The following CEP350 variants were observed in gnomAD, a reference collection of about 807,000 sequenced individuals.
The protein encoded by CEP350 is centrosome-associated protein 350.
CEP350 carries 126 observed loss-of-function variants against 331.8 expected under a neutral mutation model. The ratio of observed to expected loss-of-function variants is 0.38; its 90% confidence interval spans 0.33 to 0.44. The LOEUF is 0.44. CEP350 is among the 20% of genes least tolerant of loss of function. CEP350 has a pLI of 1.00. For synonymous variants in CEP350, 1,200 were observed against 1,259.5 expected (o/e 0.95, Z 1.00); for missense variants, 3,406 against 3,634.6 (o/e 0.94, Z 1.62).
At chr1:180,098,062 C>T (rs1486989192) in intron 36 of CEP350, among the ~76,000 whole-genome samples, 2 of 152,174 alleles carry the variant, frequency 1.3e-5, no homozygotes, top group Non-Finnish European at 1.5e-5. Flanking sequence ...CCTCCGCCTC[C>T]TGGATTCAAG....
intron 1 of CEP350, among the ~76,000 whole-genome samples, chr1:179,962,870 A>C (rs1403892490): frequency 1.3e-5 from 2 of 152,176 alleles, no homozygotes; most frequent in African/African-American, 2.4e-5. Flanking sequence ...TGATAGTTCT[A>C]AGTTCTTTGA....
At chr1:180,002,154 T>A (rs921456752) in intron 6 of CEP350, among the ~76,000 whole-genome samples, 2 of 152,160 alleles carry the variant, frequency 1.3e-5, no homozygotes, top group Non-Finnish European at 2.9e-5. Context: ...CTGGTGAGAA[T>A]GCAAAATGGT....
chr1:180,037,242 G>A, intron 17 of CEP350, 153 bp downstream of exon 17: 2 of 505,380 alleles, frequency 4.0e-6, no homozygotes, highest in Non-Finnish European at 6.4e-6. Flanking sequence ...AAATCTGTCG[G>A]GACACTAAAA....
rs912562801 is a variant in CEP350, at chr1:180,100,236, A to G, written c.9189+1251A>G. ...GGACTAATGTTATTCTTTGTTTTAC[A>G]AATGAGGAAATTTAGATTCAAAGAT... On this transcript the variant is annotated intron_variant, in intron 37 of 37. Coordinates refer to ENST00000367607, the MANE Select transcript of CEP350 (RefSeq NM_014810.5). Among the ~76,000 whole-genome samples the G allele has an allele frequency of 2.0e-5, 3 of 152,236 alleles. No homozygotes were observed. In the East Asian group the frequency reaches 5.8e-4, roughly 29 times the overall value.
At chr1:179,981,236 A>G (rs1040389456) in intron 1 of CEP350, among the ~76,000 whole-genome samples, 3 of 152,196 alleles carry the variant, frequency 2.0e-5, no homozygotes, top group Admixed American at 6.5e-5. Flanking sequence ...TGGCAAATTA[A>G]ATAGACAAAA....
chr1:180,048,413 A>G, intron 21 of CEP350, 123 bp from the exon 22 acceptor site: 1 of 637,936 alleles, frequency 1.6e-6, no homozygotes, highest in Non-Finnish European at 2.7e-6. Context: ...GTTTTATATT[A>G]CATCTTTCTT....
chr1:180,050,175 T>C (rs1413618812), intron 22 of CEP350, among the ~76,000 whole-genome samples: 1 of 152,194 alleles, frequency 6.6e-6, no homozygotes, highest in African/African-American at 2.4e-5. Context: ...GATGACTTCT[T>C]AGGTACGTAA....
intron 37 of CEP350, among the ~76,000 whole-genome samples, chr1:180,104,015 A>G (rs1361322367): frequency 1.4e-5 from 2 of 147,082 alleles, no homozygotes; most frequent in African/African-American, 2.5e-5. Context: ...ATATATACAA[A>G]TATATATTTT....
At chr1:180,104,070 CAAAT>C (rs979316975) in intron 37 of CEP350, among the ~76,000 whole-genome samples, 21 of 144,146 alleles carry the variant, frequency 1.5e-4, no homozygotes, top group African/African-American at 3.6e-4. Context: ...TAAATATACA[CAAAT>C]ATATATATTT....
At chr1:180,046,522 A>G (rs1657130583) in intron 21 of CEP350, among the ~76,000 whole-genome samples, 1 of 152,224 alleles carries the variant, frequency 6.6e-6, no homozygotes, top group African/African-American at 2.4e-5. Context: ...TTTAACTATT[A>G]TAAGTAATGC....
At chr1:180,074,022 T>G in intron 27 of CEP350, 1 of 890,048 alleles carries the variant, frequency 1.1e-6, no homozygotes, top group Non-Finnish European at 1.5e-6. Context: ...TGGAGGCCTC[T>G]TATCAAATGT....
intron 8 of CEP350, among the ~76,000 whole-genome samples, chr1:180,008,567 A>G (rs1453552659): frequency 1.3e-5 from 2 of 152,194 alleles, no homozygotes; most frequent in Non-Finnish European, 2.9e-5. Context: ...AAAGTTGGGA[A>G]CCTGTCACTT....
chr1:179,963,867 A>G (rs1264890739), intron 1 of CEP350, among the ~76,000 whole-genome samples: 1 of 152,034 alleles, frequency 6.6e-6, no homozygotes, highest in Admixed American at 6.6e-5. Flanking sequence ...GTGAAAAATG[A>G]TGTTGCTAAT....
At chr1:180,090,545 C>CAAAAA (rs36128628) in intron 32 of CEP350, among the ~76,000 whole-genome samples, 169 bp from the exon 33 acceptor site, 29 of 77,344 alleles carry the variant, frequency 3.7e-4, no homozygotes, top group African/African-American at 9.8e-4. Flanking sequence ...GACTCCGTCT[C>CAAAAA]AAAAAAAAAA....
At chr1:180,109,199 A>G (rs1233051583) in intron 37 of CEP350, among the ~76,000 whole-genome samples, 1 of 150,340 alleles carries the variant, frequency 6.7e-6, no homozygotes, top group Non-Finnish European at 1.5e-5. Context: ...GCTCACTGCA[A>G]CCTCCGCCTC....
intron 17 of CEP350, among the ~76,000 whole-genome samples, chr1:180,039,114 C>T (rs73034477): frequency 0.052 from 2,169 of 42,038 alleles, 59 homozygotes; most frequent in African/African-American, 0.16. Flanking sequence ...CTACTTGCGG[C>T]GGGTTGGGCG....
At chr1:179,964,913 T>A (rs1650894339) in intron 1 of CEP350, among the ~76,000 whole-genome samples, 1 of 152,044 alleles carries the variant, frequency 6.6e-6, no homozygotes, top group Non-Finnish European at 1.5e-5. Flanking sequence ...AGTTCTGCTC[T>A]GATCTTAGTT....
chr1:179,965,162 G>A (rs1210522805), intron 1 of CEP350, among the ~76,000 whole-genome samples: 1 of 151,986 alleles, frequency 6.6e-6, no homozygotes, highest in African/African-American at 2.4e-5. Flanking sequence ...GTTTAACCAA[G>A]TTAGTTAGGA....
Position 180,020,064 on chromosome 1 carries a change from A to G in CEP350, c.2290A>G (p.Ser764Gly). ...TAGSLLSHLLSLEHVGILHKD... is the reference protein window; with the variant it reads ...TAGSLLSHLLGLEHVGILHKD... ...TGGAAGTTTACTCTCCCATCTCTTG[A>G]GTTTAGAGCATGTAGGAATTTTGCA... Residue 764 changes from serine (S) to glycine (G), a missense_variant, in exon 12 of 38, where the codon AGT (serine) becomes GGT (glycine). Transcript: ENST00000367607. The G allele has an allele frequency of 6.2e-7, 1 of 1,613,924 alleles. No individual in the cohort carries two copies. Among genetic ancestry groups the G allele is most frequent in the South Asian group, 1.1e-5 (1 of 91,086 alleles).
Sources: gnomAD v4.1 joint callset for allele counts (sites outside exome capture counted in the v4.1 genomes callset) on GRCh38, gnomAD v4.1.1 for gene constraint, MANE v1.5 for transcripts, NCBI Gene and HGNC (gene_info 2026-07-23, HGNC 2026-07-21) for gene names.